Variants in NAA15 observed in about 807,000 individuals in gnomAD.
The protein encoded by NAA15 is N-alpha-acetyltransferase 15, NatA auxiliary subunit, also known as N-terminal acetyltransferase.
Under a neutral mutation model 114.0 loss-of-function variants are expected in NAA15, and 34 were observed. The observed-to-expected ratio is 0.30, with a 90% CI of 0.23 to 0.40. The LOEUF (loss-of-function observed/expected upper bound fraction) is 0.40, where lower values mean the gene tolerates loss of function less well. NAA15 is among the 10% of genes least tolerant of loss of function. The pLI is 1.00. For missense variants in NAA15, 658 were observed against 1,004.5 expected (o/e 0.66, Z 4.66); for synonymous variants, 340 against 338.0 (o/e 1.01, Z -0.06).
At chr4:139,327,479 C>G (rs1746840543) in intron 1 of NAA15, among the ~76,000 whole-genome samples, 1 of 152,178 alleles carries the variant, frequency 6.6e-6, no homozygotes, top group Admixed American at 6.5e-5. Flanking sequence ...GTCTCGAACT[C>G]TTGACCTTAG....
At position 139,349,520 on chromosome 4, in the gene NAA15, G is replaced by A. The variant is rs371203308; in HGVS notation, c.750G>A (p.Leu250=). 6 of 1,611,220 alleles carry A rather than the reference G, an allele frequency of 3.7e-6. No homozygotes were observed. In the African/African-American group the frequency reaches 5.3e-5, roughly 14 times the overall value. The part of the protein sequence containing the change: ...LEDAADVYRG[L]QERNPENWAY... ...ATGCTGCAGATGTTTATAGAGGATT[G>A]CAAGAGAGAAATCCTGAAAACTGGG... Residue 250 remains leucine (L), a synonymous_variant, in exon 7 of 20, where the codon TTG becomes TTA. Coordinates refer to ENST00000296543, the MANE Select transcript of NAA15 (RefSeq NM_057175.5).
intron 3 of NAA15, among the ~76,000 whole-genome samples, chr4:139,338,897 A>G (rs748946556): frequency 5.9e-5 from 9 of 151,506 alleles, no homozygotes; most frequent in Non-Finnish European, 1.2e-4. Context: ...TGCAACCTCT[A>G]CCTCCTGGGT....
chr4:139,321,663 T>G (rs1329210134), intron 1 of NAA15, among the ~76,000 whole-genome samples: 3 of 149,872 alleles, frequency 2.0e-5, no homozygotes, highest in Non-Finnish European at 4.4e-5. Context: ...TTTTGTATTT[T>G]TAGTAGAGAT....
At chr4:139,384,458 GCA>G (rs1011922311) in intron 17 of NAA15, among the ~76,000 whole-genome samples, 1 of 151,370 alleles carries the variant, frequency 6.6e-6, no homozygotes, top group Non-Finnish European at 1.5e-5. Context: ...AGCTTGGGTG[GCA>G]GTAAAACCTT....
At chr4:139,378,442 G>A (rs1579136672) in intron 16 of NAA15, among the ~76,000 whole-genome samples, 1 of 152,244 alleles carries the variant, frequency 6.6e-6, no homozygotes, top group East Asian at 1.9e-4. Context: ...AGTGGGAAAG[G>A]TTGCTTTATT....
intron 9 of NAA15, among the ~76,000 whole-genome samples, chr4:139,351,843 T>C (rs767902508): frequency 1.3e-5 from 2 of 152,190 alleles, no homozygotes; most frequent in African/African-American, 2.4e-5. Context: ...CTATAAACTT[T>C]TAATGAGTCA....
At chr4:139,305,535 T>C (rs1255801706) in intron 1 of NAA15, among the ~76,000 whole-genome samples, 1 of 146,816 alleles carries the variant, frequency 6.8e-6, no homozygotes, top group African/African-American at 2.7e-5. Context: ...GTTGGTAACT[T>C]GTTGTTTTTT....
rs931332031 is a variant in NAA15 at position 139,376,406 on chromosome 4, G to A, written c.1989G>A (p.Pro663=). ...PLEEAIKFLT[P]LKNLVKNKIE... is the part of the protein sequence containing the mutation. ...AAGAAGCTATTAAATTTTTAACACC[G>A]TTGAAGAACTTGGTGAAGAACAAGA... Residue 663 remains proline, a synonymous_variant, in exon 16 of 20, where the codon CCG becomes CCA. Transcript: ENST00000296543. 9 of 1,612,744 alleles carry A rather than the reference G, an allele frequency of 5.6e-6. No individual in the cohort carries two copies. Among genetic ancestry groups the A allele is most frequent in the Admixed American group, 5.0e-5 (3 of 59,906 alleles).
rs1393669987 is a variant in NAA15, at chr4:139,390,244, T to C, written c.*2160T>C. On this transcript the variant is annotated 3_prime_UTR_variant, in exon 20 of 20. Transcript: ENST00000296543. Reference sequence around the variant, plus strand: ...TGAGGAGCTAAATTCCTAATGTGTATTGTATTCCAACCCAATTTTACTGGA... The same window carrying C: ...TGAGGAGCTAAATTCCTAATGTGTACTGTATTCCAACCCAATTTTACTGGA... 2 of 152,684 alleles carry C rather than the reference T, an allele frequency of 1.3e-5. No individual in the cohort carries two copies. The highest frequency in any genetic ancestry group is 2.9e-5 in the Non-Finnish European group (2 of 68,050). The allele number at this position is 152,684 out of a possible 1,614,324, so 9.5% of individuals were successfully genotyped here. A position where few individuals can be genotyped will look rare whatever the true frequency, so the allele number is the denominator to read the frequency against.
At position 139,337,013 on chromosome 4, in the gene NAA15, T is replaced by C. The variant is rs1010858499; in HGVS notation, c.244+61T>C. 4.3e-5 allele frequency: 46 copies of C among 1,073,558 alleles called. No individual in the cohort carries two copies. In the African/African-American group the frequency reaches 6.0e-4, roughly 14 times the overall value. 66.5% of individuals were successfully genotyped at this position (1,073,558 alleles called of 1,614,324 possible). ...GGTGTTTTGAGCTAAGGCAGCAATT[T>C]GAGAGTCAAAGTTTTAGATCTCTCT... On this transcript the variant is annotated intron_variant, in intron 3 of 19. Coordinates refer to ENST00000296543, the MANE Select transcript of NAA15 (RefSeq NM_057175.5).
At chr4:139,339,713 T>G (rs553731036) in intron 3 of NAA15, among the ~76,000 whole-genome samples, 2 of 152,100 alleles carry the variant, frequency 1.3e-5, no homozygotes, top group South Asian at 4.2e-4. Context: ...ATCATGCCAC[T>G]GCACTCTAGC....
At chr4:139,376,789 C>G (rs1424993877) in intron 16 of NAA15, among the ~76,000 whole-genome samples, 2 of 152,112 alleles carry the variant, frequency 1.3e-5, no homozygotes, top group Admixed American at 6.6e-5. Flanking sequence ...GACCTAGTAC[C>G]TGGTATATAG....
chr4:139,313,333 A>T (rs1447996982), intron 1 of NAA15, among the ~76,000 whole-genome samples: 7 of 151,864 alleles, frequency 4.6e-5, no homozygotes, highest in Admixed American at 3.3e-4. Flanking sequence ...GTAGTACAAG[A>T]TTACCTTTAA....
intron 1 of NAA15, among the ~76,000 whole-genome samples, chr4:139,319,337 A>G (rs1343867514): frequency 6.6e-6 from 1 of 151,124 alleles, no homozygotes; most frequent in Non-Finnish European, 1.5e-5. Flanking sequence ...CGAACTCCTG[A>G]CCTTGTGATC....
chr4:139,370,609 A>G (rs544203620), intron 15 of NAA15, among the ~76,000 whole-genome samples: 48 of 152,266 alleles, frequency 3.2e-4, no homozygotes, highest in African/African-American at 1.1e-3. Context: ...ATCCTGTTCC[A>G]AAGTCATATA....
chr4:139,325,453 T>C (rs985085433), intron 1 of NAA15, among the ~76,000 whole-genome samples: 6 of 152,286 alleles, frequency 3.9e-5, no homozygotes, highest in Non-Finnish European at 8.8e-5. Context: ...ACCTCTACAA[T>C]AAGGATTAAA....
rs74692479 is a variant in NAA15, at chr4:139,323,133, T to C, written c.55-11041T>C. On this transcript the variant is annotated intron_variant, in intron 1 of 19. Transcript: ENST00000296543. ...GTGCAGTGGTATGATCTTGGCTCAC[T>C]GTCACCTCCAGCTCCTGGGTTCAAG... Among the ~76,000 whole-genome samples the C allele has an allele frequency of 3.8e-3, 572 of 150,326 alleles. 4 individuals are homozygous for C. The highest frequency in any genetic ancestry group is 0.013 in the African/African-American group (529 of 40,864).
At chr4:139,379,994 G>A (rs1023246435) in intron 17 of NAA15, among the ~76,000 whole-genome samples, 7 of 152,106 alleles carry the variant, frequency 4.6e-5, no homozygotes, top group South Asian at 4.1e-4. Flanking sequence ...GCAGTGAGCC[G>A]AGATCACGCC....
chr4:139,384,863 A>C lies in NAA15; in HGVS notation c.2187A>C (p.Thr729=), dbSNP rs1748851472. 6.6e-7 allele frequency: 1 copy of C among 1,525,538 alleles called. No individual in the cohort carries two copies. The highest frequency in any genetic ancestry group is 1.3e-5 in the South Asian group (1 of 77,542). The allele number at this position is 1,525,538 out of a possible 1,614,324, so 94.5% of individuals were successfully genotyped here. Residue 729 remains threonine (T), a synonymous_variant, in exon 18 of 20, where the codon ACA becomes ACC. Coordinates refer to ENST00000296543, the MANE Select transcript of NAA15 (RefSeq NM_057175.5). ...GTGAAAGTAAAGATTTATCTGATAC[A>C]GTTAGAACAGTATTAAAACAAGAAA... ...AVCESKDLSD[T]VRTVLKQEMN...
Sources: allele counts gnomAD v4.1 joint callset (sites outside exome capture counted in the v4.1 genomes callset), GRCh38; gene constraint gnomAD v4.1.1; transcripts MANE v1.5; gene names NCBI Gene and HGNC (gene_info 2026-07-23, HGNC 2026-07-21).